The following ATRX variants were observed in gnomAD, a reference collection of about 807,000 sequenced individuals.
The protein encoded by ATRX is chromatin remodeler ATRX.
Under a neutral mutation model 172.6 loss-of-function variants are expected in ATRX, and 12 were observed. The observed-to-expected ratio is 0.07, with a 90% CI of 0.04 to 0.11. The LOEUF (loss-of-function observed/expected upper bound fraction) is 0.11. ATRX is among the 10% of genes least tolerant of loss of function. ATRX has a pLI of 1.00. For synonymous variants in ATRX, 674 were observed against 594.7 expected (o/e 1.13, Z -1.94); for missense variants, 1,368 against 1,767.4 (o/e 0.77, Z 4.05).
chrX:77,772,385 A>T (rs915112065), intron 1 of ATRX, among the ~76,000 whole-genome samples: 7 of 105,356 alleles, frequency 6.6e-5, no homozygotes, highest in African/African-American at 2.4e-4. Context: ...TAATCCCAGT[A>T]CTTTGGGAGG....
chrX:77,544,093 T>C (rs1230054182), intron 30 of ATRX, among the ~76,000 whole-genome samples: 4 of 111,125 alleles, frequency 3.6e-5, no homozygotes, highest in South Asian at 3.8e-4. Context: ...ATTTCAAAGA[T>C]GTATTATATA....
At chrX:77,672,807 C>A (rs1210906428) in intron 10 of ATRX, among the ~76,000 whole-genome samples, 1 of 111,303 alleles carries the variant, frequency 9.0e-6, no homozygotes, top group Non-Finnish European at 1.9e-5. Context: ...GGGGAGCAGA[C>A]ATCCATGTAG....
intron 1 of ATRX, among the ~76,000 whole-genome samples, chrX:77,766,007 G>T (rs1247539805): frequency 9.0e-6 from 1 of 111,109 alleles, no homozygotes; most frequent in Non-Finnish European, 1.9e-5. Context: ...CAGGGTTGGG[G>T]GTAAGGTCAC....
chrX:77,637,116 C>A (rs1427119237), intron 15 of ATRX, among the ~76,000 whole-genome samples: 2 of 111,062 alleles, frequency 1.8e-5, no homozygotes, highest in Non-Finnish European at 3.8e-5. Context: ...AAGAACTGTG[C>A]GACTCAGGAT....
chrX:77,659,028 A>G lies in ATRX; in HGVS notation c.4121-2375T>C, dbSNP rs782197947. 3.6e-5 allele frequency among the ~76,000 whole-genome samples: 4 copies of G among 112,031 alleles called. No individual in the cohort carries two copies. In the East Asian group the frequency reaches 8.4e-4, roughly 24 times the overall value. Reference sequence around the variant, plus strand: ...ACAGAAATGCTATAAATGGGAGAACATAAATGCTATAAAGAAATGTCGGGG... The same window carrying G: ...ACAGAAATGCTATAAATGGGAGAACGTAAATGCTATAAAGAAATGTCGGGG... On this transcript the variant is annotated intron_variant, in intron 12 of 34. Coordinates refer to ENST00000373344, the MANE Select transcript of ATRX (RefSeq NM_000489.6).
chrX:77,673,407 G>A (rs1467913723), intron 10 of ATRX, among the ~76,000 whole-genome samples: 2 of 110,897 alleles, frequency 1.8e-5, no homozygotes, highest in Non-Finnish European at 3.8e-5. Context: ...CTGCCATTGA[G>A]AAACTACATA....
chrX:77,688,808 CA>C lies in ATRX; in HGVS notation c.594+9del, dbSNP rs1471093362. On this transcript the variant is annotated intron_variant, in intron 7 of 34. Transcript: ENST00000373344. ...TTTACGGTATGAAATATCAACAGAT[CA>C]TTACATACCTTACAAATAAGAACTT... The C allele has an allele frequency of 5.2e-6, 6 of 1,149,734 alleles. No homozygotes were observed. The African/African-American group carries it at 8.9e-5, about 17-fold the overall frequency. The allele number at this position is 1,149,734 out of a possible 1,213,427, so 94.8% of individuals were successfully genotyped here. A position where few individuals can be genotyped will look rare whatever the true frequency, so the allele number is the denominator to read the frequency against.
intron 28 of ATRX, among the ~76,000 whole-genome samples, chrX:77,560,560 C>G (rs978171867): frequency 9.0e-5 from 10 of 110,755 alleles, no homozygotes; most frequent in Non-Finnish European, 1.9e-4. Flanking sequence ...AATAAGCTCT[C>G]AATAATCAAC....
intron 1 of ATRX, among the ~76,000 whole-genome samples, chrX:77,777,898 AG>A (rs2076412941): frequency 9.1e-6 from 1 of 110,218 alleles, no homozygotes; most frequent in African/African-American, 3.3e-5. Context: ...GCACTTTGGG[AG>A]GCCGAGGTGG....
intron 12 of ATRX, among the ~76,000 whole-genome samples, chrX:77,656,905 A>C (rs973506785): frequency 1.8e-5 from 2 of 111,909 alleles, no homozygotes; most frequent in African/African-American, 6.5e-5. Flanking sequence ...ATTGTATATG[A>C]ATTGACAGAA....
chrX:77,647,104 C>CA (rs1465095397), intron 15 of ATRX, among the ~76,000 whole-genome samples: 2 of 110,471 alleles, frequency 1.8e-5, no homozygotes, highest in Non-Finnish European at 3.8e-5. Flanking sequence ...GGGAATGCAA[C>CA]AAAAAATCCA....
At chrX:77,676,170 G>A (rs2148542086) in intron 10 of ATRX, 56 bp downstream of exon 10, 1 of 1,095,857 alleles carries the variant, frequency 9.1e-7, no homozygotes, top group Non-Finnish European at 1.3e-6. Context: ...TGCTGTTTGT[G>A]CCCATGCCTA....
intron 1 of ATRX, among the ~76,000 whole-genome samples, chrX:77,735,912 G>A (rs1341142850): frequency 1.8e-5 from 2 of 109,706 alleles, no homozygotes; most frequent in African/African-American, 6.6e-5. Context: ...GCTGAGGCAG[G>A]AGAATCGCTT....
At chrX:77,698,476 T>C (rs1165979064) in intron 3 of ATRX, 98 bp downstream of exon 3, 6 of 717,689 alleles carry the variant, frequency 8.4e-6, no homozygotes, top group Admixed American at 2.8e-5. Flanking sequence ...TGGGTATCAG[T>C]AGCCTTCGAC....
intron 2 of ATRX, among the ~76,000 whole-genome samples, chrX:77,707,818 C>G (rs1284810845): frequency 9.0e-6 from 1 of 111,717 alleles, no homozygotes; most frequent in African/African-American, 3.3e-5. Flanking sequence ...CAAATAAGCA[C>G]ATGAAATGAT....
chrX:77,549,316 C>T (rs1283791963), intron 30 of ATRX, among the ~76,000 whole-genome samples: 4 of 111,667 alleles, frequency 3.6e-5, no homozygotes, highest in Non-Finnish European at 7.5e-5. Flanking sequence ...ACCCCAGAGG[C>T]GGAGGTTGCA....
At chrX:77,694,472 C>T (rs782293249) in intron 5 of ATRX, among the ~76,000 whole-genome samples, 4 of 111,147 alleles carry the variant, frequency 3.6e-5, no homozygotes, top group Non-Finnish European at 7.6e-5. Context: ...CATTTCCCAA[C>T]TGGTATGTCA....
Position 77,771,642 on chromosome X carries a change from TTTTTGC to T in ATRX, c.20+14334_20+14339del, listed in dbSNP as rs1557199183. Among the ~76,000 whole-genome samples, 3 of 110,412 alleles carry T rather than the reference TTTTTGC, an allele frequency of 2.7e-5. No homozygotes were observed. In the Admixed American group the frequency reaches 2.9e-4, roughly 11 times the overall value. On this transcript the variant is annotated intron_variant, in intron 1 of 34. Transcript: ENST00000373344. ...CTTGCTATCAACTCTCTAAGGAAATTTTTTGCTATTCTTCCACATCTCTTGGTTTAT... is the reference window on the plus strand; with the variant it reads ...CTTGCTATCAACTCTCTAAGGAAATTTATTCTTCCACATCTCTTGGTTTAT...
Position 77,505,503 on chromosome X carries a change from G to A in ATRX, c.*2848C>T, listed in dbSNP as rs1414609520. On this transcript the variant is annotated 3_prime_UTR_variant, in exon 35 of 35. Transcript: ENST00000373344. ...TAACACAAACACACATGGACTTCCT[G>A]GTATGTAAATTCTTTTTGAGATGAG... The A allele has an allele frequency of 1.7e-5, 3 of 172,622 alleles. No individual in the cohort carries two copies. The highest frequency in any genetic ancestry group is 8.9e-5 in the African/African-American group (3 of 33,691). The allele number at this position is 172,622 out of a possible 1,213,427, so 14.2% of individuals were successfully genotyped here. A position where few individuals can be genotyped will look rare whatever the true frequency, so the allele number is the denominator to read the frequency against.
Sources: gnomAD v4.1 joint callset for allele counts (sites outside exome capture counted in the v4.1 genomes callset) on GRCh38, gnomAD v4.1.1 for gene constraint, MANE v1.5 for transcripts, NCBI Gene and HGNC (gene_info 2026-07-23, HGNC 2026-07-21) for gene names.